SYCP1: variants seen among roughly 807,000 people sequenced by gnomAD.
SYCP1 encodes the protein synaptonemal complex protein 1, also known as cancer/testis antigen 8.
Under a neutral mutation model 153.1 loss-of-function variants are expected in SYCP1, and 64 were observed. The observed-to-expected ratio is 0.42, with a 90% CI of 0.34 to 0.51. The LOEUF (loss-of-function observed/expected upper bound fraction) is 0.51, where lower values mean the gene tolerates loss of function less well. Ranked by LOEUF, SYCP1 falls within the 20% of genes least tolerant of loss-of-function variation. The pLI is 0.06. For missense variants in SYCP1, 997 were observed against 1,049.0 expected (o/e 0.95, Z 0.68); for synonymous variants, 384 against 341.8 (o/e 1.12, Z -1.36).
intron 16 of SYCP1, chr1:114,910,194 T>C: frequency 2.9e-6 from 1 of 343,466 alleles, no homozygotes. Context: ...CAATTAATTA[T>C]TGTGTTCCAG....
intron 30 of SYCP1, among the ~76,000 whole-genome samples, chr1:114,989,741 A>G (rs1243841578): frequency 6.6e-6 from 1 of 152,000 alleles, no homozygotes; most frequent in Non-Finnish European, 1.5e-5. Flanking sequence ...TAGACTTTAA[A>G]TTAAAAAGTG....
chr1:114,976,653 G>GC (rs1375054187), intron 27 of SYCP1, among the ~76,000 whole-genome samples: 1 of 151,704 alleles, frequency 6.6e-6, no homozygotes, highest in Non-Finnish European at 1.5e-5. Flanking sequence ...CAGCATTCCA[G>GC]CCCCTTAGAG....
At chr1:114,913,950 G>A in intron 19 of SYCP1, 25 bp from the exon 20 acceptor site, 1 of 1,451,886 alleles carries the variant, frequency 6.9e-7, no homozygotes, top group African/African-American at 1.5e-5. Flanking sequence ...CAAAATAATT[G>A]ATATAAACAA....
intron 18 of SYCP1, 40 bp from the exon 19 acceptor site, chr1:114,912,993 T>C: frequency 7.2e-7 from 1 of 1,380,142 alleles, no homozygotes; most frequent in Non-Finnish European, 1.0e-6. Context: ...GTCATTACAT[T>C]TGTAAATATT....
intron 12 of SYCP1, among the ~76,000 whole-genome samples, chr1:114,882,141 C>T (rs1218182624): frequency 6.6e-6 from 1 of 152,058 alleles, no homozygotes; most frequent in Non-Finnish European, 1.5e-5. Context: ...GCTATGATTG[C>T]TCCATTGCAC....
chr1:114,939,020 CTA>C (rs1266115504), intron 23 of SYCP1, among the ~76,000 whole-genome samples: 2 of 152,062 alleles, frequency 1.3e-5, no homozygotes, highest in African/African-American at 4.8e-5. Flanking sequence ...AAAAATAAAA[CTA>C]AAATAACTAT....
At chr1:114,873,609 C>G (rs915530892) in intron 8 of SYCP1, among the ~76,000 whole-genome samples, 2 of 152,158 alleles carry the variant, frequency 1.3e-5, no homozygotes, top group Non-Finnish European at 2.9e-5. Context: ...AAGAACGGGA[C>G]ATATTGGTAT....
intron 4 of SYCP1, 82 bp downstream of exon 4, chr1:114,857,357 T>C: frequency 6.5e-7 from 1 of 1,532,834 alleles, no homozygotes; most frequent in South Asian, 1.2e-5. Flanking sequence ...TCTTTAGTTA[T>C]TGCATTACTA....
chr1:114,974,230 A>G (rs553349081), intron 27 of SYCP1, among the ~76,000 whole-genome samples: 1 of 151,980 alleles, frequency 6.6e-6, no homozygotes, highest in South Asian at 2.1e-4. Flanking sequence ...AATAAACTCT[A>G]TTTGGTTATG....
chr1:114,961,762 A>G (rs1671793947), intron 27 of SYCP1, among the ~76,000 whole-genome samples: 2 of 152,068 alleles, frequency 1.3e-5, no homozygotes, highest in Non-Finnish European at 2.9e-5. Context: ...GGCCTTTCAT[A>G]TGGTCTGTCT....
intron 23 of SYCP1, among the ~76,000 whole-genome samples, chr1:114,941,723 T>G (rs909234685): frequency 5.3e-5 from 8 of 152,070 alleles, no homozygotes; most frequent in Non-Finnish European, 1.2e-4. Flanking sequence ...ATTTCTAATC[T>G]GAAAATCCAA....
intron 30 of SYCP1, among the ~76,000 whole-genome samples, chr1:114,985,497 G>A (rs1017985057): frequency 7.2e-5 from 11 of 151,836 alleles, no homozygotes; most frequent in Non-Finnish European, 1.5e-4. Context: ...TTAAAAAGGT[G>A]AACCATACCA....
intron 25 of SYCP1, among the ~76,000 whole-genome samples, chr1:114,945,528 C>T (rs574085802): frequency 4.0e-5 from 6 of 151,412 alleles, no homozygotes; most frequent in South Asian, 2.1e-4. Flanking sequence ...TGCTGGAATA[C>T]GAGATTATTA....
At chr1:114,914,679 A>T (rs922921556) in intron 20 of SYCP1, among the ~76,000 whole-genome samples, 2 of 152,212 alleles carry the variant, frequency 1.3e-5, no homozygotes, top group African/African-American at 4.8e-5. Flanking sequence ...CCTTGTTGAC[A>T]TCTTTCTGTT....
chr1:114,908,877 C>T (rs75194238), intron 16 of SYCP1, among the ~76,000 whole-genome samples: 1 of 152,054 alleles, frequency 6.6e-6, no homozygotes, highest in East Asian at 1.9e-4. Flanking sequence ...GACATTTTAC[C>T]AGTTCTTTGT....
At chr1:114,946,566 C>A (rs533606605) in intron 26 of SYCP1, among the ~76,000 whole-genome samples, 185 bp downstream of exon 26, 26 of 151,766 alleles carry the variant, frequency 1.7e-4, no homozygotes, top group Non-Finnish European at 2.7e-4. Context: ...AATAGTGGAA[C>A]AAACTATTTT....
intron 8 of SYCP1, among the ~76,000 whole-genome samples, chr1:114,872,759 TCTTCAA>T (rs2101435056): frequency 6.6e-6 from 1 of 152,332 alleles, no homozygotes; most frequent in South Asian, 2.1e-4. Context: ...TGTTGAAATA[TCTTCAA>T]CTTCAAAGAT....
intron 2 of SYCP1, among the ~76,000 whole-genome samples, 153 bp from the exon 3 acceptor site, chr1:114,856,420 G>A (rs994457820): frequency 4.6e-5 from 7 of 152,044 alleles, no homozygotes; most frequent in Non-Finnish European, 4.4e-5. Context: ...TATAGAAAAG[G>A]CATTTGATAT....
chr1:114,898,981 A>G (rs113003608), intron 16 of SYCP1, among the ~76,000 whole-genome samples: 2,001 of 152,288 alleles, frequency 0.013, 55 homozygotes, highest in African/African-American at 0.046. Flanking sequence ...GGAACCCTGT[A>G]TGGGGCTGTG....
Sources: allele counts gnomAD v4.1 joint callset (sites outside exome capture counted in the v4.1 genomes callset), GRCh38; gene constraint gnomAD v4.1.1; transcripts MANE v1.5; gene names NCBI Gene and HGNC (gene_info 2026-07-23, HGNC 2026-07-21).